KCNH5: variants seen among roughly 807,000 people sequenced by gnomAD.
KCNH5 encodes potassium voltage-gated channel subfamily H member 5, also known as voltage-gated delayed rectifier potassium channel KCNH5.
A neutral mutation model predicts 96.1 loss-of-function variants in KCNH5; 46 were observed. That is an observed-to-expected ratio of 0.48 (90% CI 0.38 to 0.61). KCNH5 has a LOEUF of 0.61. Among genes scored for constraint, KCNH5 ranks in the 20% least tolerant of loss-of-function variants. The pLI is 0.00. For synonymous variants in KCNH5, 439 were observed against 449.8 expected (o/e 0.98, Z 0.30); for missense variants, 907 against 1,225.8 (o/e 0.74, Z 3.88).
At chr14:62,858,191 G>A (rs186828653) in intron 7 of KCNH5, among the ~76,000 whole-genome samples, 1 of 152,290 alleles carries the variant, frequency 6.6e-6, no homozygotes, top group East Asian at 1.9e-4. Flanking sequence ...CTGGTCAGAT[G>A]GCAGTAGCTG....
intron 7 of KCNH5, among the ~76,000 whole-genome samples, chr14:62,921,171 A>T (rs772069903): frequency 1.6e-4 from 25 of 152,126 alleles, no homozygotes; most frequent in Non-Finnish European, 3.5e-4. Flanking sequence ...ACAAAAAAAA[A>T]GTCAAATGTG....
At chr14:62,824,847 A>T (rs1887188740) in intron 8 of KCNH5, among the ~76,000 whole-genome samples, 1 of 151,564 alleles carries the variant, frequency 6.6e-6, no homozygotes. Context: ...TTTTGTTTCC[A>T]CTTATAAGTG....
At chr14:62,860,413 T>TG (rs1888010452) in intron 7 of KCNH5, among the ~76,000 whole-genome samples, 1 of 152,238 alleles carries the variant, frequency 6.6e-6, no homozygotes, top group African/African-American at 2.4e-5. Flanking sequence ...TTAGTACACT[T>TG]GCCTTGCTTA....
chr14:62,739,561 T>C (rs1885228684), intron 10 of KCNH5, among the ~76,000 whole-genome samples: 1 of 152,132 alleles, frequency 6.6e-6, no homozygotes, highest in African/African-American at 2.4e-5. Context: ...TTGGTCAACA[T>C]ACTGGAGAAT....
In KCNH5 at chr14:62,853,494, A is replaced by ATATG. The variant is rs375695583; in HGVS notation, c.1370-3643_1370-3642insCATA. 1.5e-3 allele frequency among the ~76,000 whole-genome samples: 155 copies of ATATG among 102,122 alleles called. 3 individuals carry two copies. Among genetic ancestry groups the ATATG allele is most frequent in the African/African-American group, 5.3e-3 (152 of 28,894 alleles). 67.0% of individuals were successfully genotyped at this position (102,122 alleles called of 152,430 possible). ...ATATATATATATCATATATATATAT[A>ATATG]ATCTTGGCCACATATAATCATAGCA... On this transcript the variant is annotated intron_variant, in intron 7 of 10. Coordinates refer to ENST00000322893, the MANE Select transcript of KCNH5 (RefSeq NM_139318.5).
At chr14:62,927,507 C>T (rs1025861747) in intron 7 of KCNH5, among the ~76,000 whole-genome samples, 8 of 152,084 alleles carry the variant, frequency 5.3e-5, no homozygotes, top group Admixed American at 1.3e-4. Context: ...CAGATGCATG[C>T]ATGAACAAAA....
intron 7 of KCNH5, among the ~76,000 whole-genome samples, chr14:62,941,220 T>C (rs1889783780): frequency 2.0e-5 from 3 of 152,332 alleles, no homozygotes; most frequent in South Asian, 4.1e-4. Flanking sequence ...GGCTAGTTAA[T>C]AGGCTATCAA....
At chr14:62,757,922 G>C (rs946876835) in intron 10 of KCNH5, among the ~76,000 whole-genome samples, 1 of 152,096 alleles carries the variant, frequency 6.6e-6, no homozygotes, top group Non-Finnish European at 1.5e-5. Flanking sequence ...ACGGTGGGTG[G>C]ATCACCTGAG....
At chr14:62,810,553 G>A (rs1886852767) in intron 8 of KCNH5, among the ~76,000 whole-genome samples, 1 of 152,188 alleles carries the variant, frequency 6.6e-6, no homozygotes, top group African/African-American at 2.4e-5. Flanking sequence ...ATAGCTTGCA[G>A]TAAAGAAACT....
intron 10 of KCNH5, among the ~76,000 whole-genome samples, chr14:62,765,240 T>G (rs2139960065): frequency 6.6e-6 from 1 of 152,218 alleles, no homozygotes; most frequent in East Asian, 1.9e-4. Flanking sequence ...CCATCTGAAC[T>G]TTGAGAAAGC....
intron 10 of KCNH5, among the ~76,000 whole-genome samples, chr14:62,768,626 C>A (rs1215519036): frequency 6.6e-6 from 1 of 152,066 alleles, no homozygotes; most frequent in African/African-American, 2.4e-5. Context: ...AAATGTCTAT[C>A]TTTTTACATT....
intron 3 of KCNH5, among the ~76,000 whole-genome samples, chr14:63,002,254 G>A (rs1891024617): frequency 6.6e-6 from 1 of 152,170 alleles, no homozygotes; most frequent in Non-Finnish European, 1.5e-5. Context: ...CTAGGACAGA[G>A]GGTATCAAAG....
At position 62,738,619 on chromosome 14, in the gene KCNH5, G is replaced by A. The variant is rs576063962; in HGVS notation, c.2020-30164C>T. On this transcript the variant is annotated intron_variant, in intron 10 of 10. Transcript: ENST00000322893. ...GTAAGGATTCCATGGATAATATGTA[G>A]TTTGTGTTTATATCGCTATCAGATC... Among the ~76,000 whole-genome samples the A allele has an allele frequency of 9.2e-5, 14 of 152,224 alleles. No individual in the cohort carries two copies. The South Asian group carries it at 2.5e-3, about 27-fold the overall frequency.
intron 10 of KCNH5, among the ~76,000 whole-genome samples, chr14:62,713,355 G>C (rs994749377): frequency 6.6e-5 from 10 of 152,034 alleles, no homozygotes; most frequent in African/African-American, 2.4e-4. Flanking sequence ...TTGCCTTCTG[G>C]CATTCCTAGA....
At chr14:62,759,767 A>G (rs1260736447) in intron 10 of KCNH5, among the ~76,000 whole-genome samples, 2 of 152,114 alleles carry the variant, frequency 1.3e-5, no homozygotes, top group Non-Finnish European at 2.9e-5. Flanking sequence ...GAGTAGAATG[A>G]CTCAGGAACC....
chr14:62,795,405 T>C (rs1470413374), intron 9 of KCNH5, among the ~76,000 whole-genome samples: 1 of 152,148 alleles, frequency 6.6e-6, no homozygotes, highest in Non-Finnish European at 1.5e-5. Flanking sequence ...CTGTACTAAA[T>C]GTGTACAGAT....
chr14:62,953,483 G>A (rs553790620), intron 6 of KCNH5, among the ~76,000 whole-genome samples: 73 of 152,170 alleles, frequency 4.8e-4, no homozygotes, highest in South Asian at 2.3e-3. Context: ...AATGTCTGCC[G>A]TGCGTTTCCT....
chr14:62,859,441 C>T (rs1887991616), intron 7 of KCNH5, among the ~76,000 whole-genome samples: 1 of 152,186 alleles, frequency 6.6e-6, no homozygotes, highest in Non-Finnish European at 1.5e-5. Flanking sequence ...ATCCTATCCA[C>T]TTGATTATTA....
chr14:62,972,088 T>A lies in KCNH5; in HGVS notation c.942+8784A>T, dbSNP rs188421938. Among the ~76,000 whole-genome samples, 757 of 152,018 alleles carry A rather than the reference T, an allele frequency of 5.0e-3. 6 individuals carry two copies. The highest frequency in any genetic ancestry group is 0.017 in the African/African-American group (722 of 41,458). ...AGACAAGCCACAAACTGAGAGAAAA[T>A]ATTTGCAAAAGACATCTAATAAAGT... On this transcript the variant is annotated intron_variant, in intron 6 of 10. Coordinates refer to ENST00000322893, the MANE Select transcript of KCNH5 (RefSeq NM_139318.5).
Sources: allele counts gnomAD v4.1 joint callset (sites outside exome capture counted in the v4.1 genomes callset), GRCh38; gene constraint gnomAD v4.1.1; transcripts MANE v1.5; gene names NCBI Gene and HGNC (gene_info 2026-07-23, HGNC 2026-07-21).